PCDH9: variants seen among roughly 807,000 people sequenced by gnomAD.
PCDH9 encodes the protein protocadherin-9.
In PCDH9, 24 loss-of-function variants were observed where a neutral mutation model predicts 70.6. The observed-to-expected ratio is 0.34, with a 90% confidence interval of 0.25 to 0.48. The LOEUF is 0.48. PCDH9 is among the 20% of genes least tolerant of loss of function. The probability of loss-of-function intolerance (pLI) is 0.99; values close to 1 mark genes in which losing one functional copy is unlikely to be tolerated. For synonymous variants in PCDH9, 562 were observed against 558.5 expected (o/e 1.01, Z -0.09); for missense variants, 1,281 against 1,503.6 (o/e 0.85, Z 2.45).
chr13:66,882,214 AC>A (rs1174572582), intron 3 of PCDH9, among the ~76,000 whole-genome samples: 25 of 152,146 alleles, frequency 1.6e-4, no homozygotes, highest in African/African-American at 5.8e-4. Flanking sequence ...ATTTTCAAAA[AC>A]CTAAAAATAT....
intron 4 of PCDH9, among the ~76,000 whole-genome samples, chr13:66,433,954 C>T: frequency 6.6e-6 from 1 of 151,694 alleles, no homozygotes; most frequent in South Asian, 2.1e-4. Context: ...TTGCTTGAAA[C>T]CAATAAAACA....
At chr13:66,993,838 G>T (rs2084051832) in intron 2 of PCDH9, among the ~76,000 whole-genome samples, 1 of 152,094 alleles carries the variant, frequency 6.6e-6, no homozygotes, top group Non-Finnish European at 1.5e-5. Context: ...CCCTTTAGTG[G>T]CTAGAGGGAA....
chr13:67,118,659 C>T (rs2086822600), intron 2 of PCDH9, among the ~76,000 whole-genome samples: 1 of 152,056 alleles, frequency 6.6e-6, no homozygotes, highest in Non-Finnish European at 1.5e-5. Flanking sequence ...AATTAACTTT[C>T]CAAGTGGTCA....
At chr13:66,693,399 C>T (rs1249901509) in intron 3 of PCDH9, among the ~76,000 whole-genome samples, 2 of 151,636 alleles carry the variant, frequency 1.3e-5, no homozygotes, top group Admixed American at 6.6e-5. Context: ...AACCCACAGA[C>T]AAAAATAGAA....
chr13:66,667,166 T>C (rs775931560), intron 3 of PCDH9, among the ~76,000 whole-genome samples: 2 of 152,034 alleles, frequency 1.3e-5, no homozygotes, highest in Non-Finnish European at 2.9e-5. Context: ...GGATACAAAA[T>C]GGCTGTGCCT....
intron 4 of PCDH9, among the ~76,000 whole-genome samples, chr13:66,627,387 A>C (rs1212087948): frequency 6.6e-6 from 1 of 152,202 alleles, no homozygotes; most frequent in Non-Finnish European, 1.5e-5. Context: ...AATTTCTCAA[A>C]GTTAATTACC....
intron 2 of PCDH9, among the ~76,000 whole-genome samples, chr13:67,198,121 G>A (rs1414882934): frequency 4.0e-5 from 6 of 151,428 alleles, no homozygotes; most frequent in Admixed American, 4.0e-4. Context: ...TAAATATCAT[G>A]TACAGATTTT....
At chr13:67,116,547 T>TTCAAC (rs2086778639) in intron 2 of PCDH9, among the ~76,000 whole-genome samples, 1 of 152,128 alleles carries the variant, frequency 6.6e-6, no homozygotes, top group Non-Finnish European at 1.5e-5. Context: ...TATTACTGAA[T>TTCAAC]TCAACTTGAA....
At chr13:66,822,659 G>A (rs1441831374) in intron 3 of PCDH9, among the ~76,000 whole-genome samples, 3 of 151,914 alleles carry the variant, frequency 2.0e-5, no homozygotes, top group African/African-American at 4.8e-5. Context: ...CCAAGTAGCT[G>A]GGATTACAAG....
chr13:67,114,196 C>T (rs1461300764), intron 2 of PCDH9, among the ~76,000 whole-genome samples: 1 of 152,112 alleles, frequency 6.6e-6, no homozygotes, highest in Non-Finnish European at 1.5e-5. Context: ...TTTAAAATTT[C>T]TCTCCTAAGT....
intron 4 of PCDH9, among the ~76,000 whole-genome samples, chr13:66,387,206 T>G (rs1286430870): frequency 6.6e-6 from 1 of 152,198 alleles, no homozygotes; most frequent in South Asian, 2.1e-4. Context: ...ATTAGAAGAC[T>G]GTCTAGCCAA....
chr13:66,368,186 G>A (rs1956584320), intron 4 of PCDH9, among the ~76,000 whole-genome samples: 1 of 151,986 alleles, frequency 6.6e-6, no homozygotes, highest in African/African-American at 2.4e-5. Context: ...CTAGAACAGA[G>A]AGTGAACATT....
chr13:66,395,619 T>TAAATAAATA (rs1555288635), intron 4 of PCDH9, among the ~76,000 whole-genome samples: 1 of 151,280 alleles, frequency 6.6e-6, no homozygotes, highest in Non-Finnish European at 1.5e-5. Context: ...AATAAATAAA[T>TAAATAAATA]AAATAAAATA....
chr13:66,591,304 A>G lies in PCDH9; in HGVS notation c.3340+39906T>C, dbSNP rs147338928. On this transcript the variant is annotated intron_variant, in intron 4 of 4. Coordinates refer to ENST00000377865, the MANE Select transcript of PCDH9 (RefSeq NM_203487.3). ...ACTTTATGCAGCTGTTTTCATGCCA[A>G]TATTTTGTAAATACATGATCTAAAT... Among the ~76,000 whole-genome samples the G allele has an allele frequency of 7.2e-5, 11 of 151,844 alleles. 2 individuals are homozygous for G. Among genetic ancestry groups the G allele is most frequent in the African/African-American group, 2.6e-4 (11 of 41,526 alleles).
intron 3 of PCDH9, among the ~76,000 whole-genome samples, chr13:66,632,313 T>C (rs2077582208): frequency 6.6e-6 from 1 of 152,232 alleles, no homozygotes; most frequent in African/African-American, 2.4e-5. Flanking sequence ...CTAGCTGTGC[T>C]AAAATTAGTA....
intron 2 of PCDH9, among the ~76,000 whole-genome samples, chr13:67,011,372 T>C (rs1039041149): frequency 4.6e-5 from 7 of 151,950 alleles, no homozygotes; most frequent in African/African-American, 1.7e-4. Flanking sequence ...CAACTGCATA[T>C]CATGAAGATG....
chr13:66,916,101 A>G (rs868281089), intron 2 of PCDH9, among the ~76,000 whole-genome samples: 1 of 151,702 alleles, frequency 6.6e-6, no homozygotes, highest in African/African-American at 2.4e-5. Flanking sequence ...TTCAGAGATC[A>G]TTGAATGATG....
intron 2 of PCDH9, among the ~76,000 whole-genome samples, chr13:67,092,386 ATG>A (rs201658225): frequency 4.7e-5 from 7 of 149,974 alleles, no homozygotes; most frequent in East Asian, 3.9e-4. Context: ...CTTCAATAAC[ATG>A]TTTTTTTTAT....
At chr13:66,877,754 A>G (rs538320733) in intron 3 of PCDH9, among the ~76,000 whole-genome samples, 2 of 152,284 alleles carry the variant, frequency 1.3e-5, no homozygotes, top group East Asian at 3.9e-4. Flanking sequence ...TAGAGGGAAA[A>G]AATATTCTTC....
Sources: gnomAD v4.1 joint callset for allele counts (sites outside exome capture counted in the v4.1 genomes callset) on GRCh38, gnomAD v4.1.1 for gene constraint, MANE v1.5 for transcripts, NCBI Gene and HGNC (gene_info 2026-07-23, HGNC 2026-07-21) for gene names.